Variants in E2F7 observed in about 807,000 individuals in gnomAD.
E2F7 encodes the protein E2F transcription factor 7.
A neutral mutation model predicts 81.1 loss-of-function variants in E2F7; 35 were observed. That is an observed-to-expected ratio of 0.43 (90% confidence interval 0.33 to 0.57). The LOEUF (loss-of-function observed/expected upper bound fraction) is 0.57. Among genes scored for constraint, E2F7 ranks in the 20% least tolerant of loss-of-function variants. The pLI is 0.04. For missense variants in E2F7, 961 were observed against 1,093.7 expected (o/e 0.88, Z 1.71); for synonymous variants, 416 against 416.2 (o/e 1.00, Z 0.01).
chr12:77,051,233 C>A (rs1316904835), intron 3 of E2F7, among the ~76,000 whole-genome samples: 1 of 152,192 alleles, frequency 6.6e-6, no homozygotes, highest in African/African-American at 2.4e-5. Flanking sequence ...TGAATGAAGG[C>A]AGTCCAATCA....
Position 77,046,117 on chromosome 12 carries a change from A to C in E2F7, c.750T>G (p.Phe250Leu). ...GATCACCATCTTTTTTACGTTCTCC[A>C]AATTTATAATCTATCAGGTCCAGCT... ...QKELDLIDYK[F>L]GERKKDGDPD... The change falls in exon 5 of 13, where the codon TTT becomes TTG. Residue 250 changes from phenylalanine to leucine, a missense_variant. Around this residue, in one of 3 missense-constraint regions of E2F7, gnomAD observed 301 missense variants for 405.0 expected, o/e 0.74. Transcript: ENST00000322886. 1 of 1,614,174 alleles carries C rather than the reference A, an allele frequency of 6.2e-7. No homozygotes were observed. Among genetic ancestry groups the C allele is most frequent in the Non-Finnish European group, 8.5e-7 (1 of 1,180,036 alleles).
At chr12:77,040,116 C>T (rs1954883132) in intron 7 of E2F7, among the ~76,000 whole-genome samples, 1 of 152,170 alleles carries the variant, frequency 6.6e-6, no homozygotes, top group African/African-American at 2.4e-5. Context: ...CCTCTGGTTA[C>T]AATATTTTCA....
At chr12:77,056,440 TGA>T (rs1955033439) in intron 2 of E2F7, among the ~76,000 whole-genome samples, 1 of 152,206 alleles carries the variant, frequency 6.6e-6, no homozygotes, top group Non-Finnish European at 1.5e-5. Flanking sequence ...CAATGTGGGT[TGA>T]GTCCATATTG....
intron 3 of E2F7, among the ~76,000 whole-genome samples, chr12:77,053,445 T>C (rs770125149): frequency 6.6e-6 from 1 of 152,182 alleles, no homozygotes; most frequent in East Asian, 1.9e-4. Context: ...AAGACTCCAG[T>C]GTACACTTGG....
intron 7 of E2F7, among the ~76,000 whole-genome samples, chr12:77,041,001 A>T (rs763248609): frequency 3.3e-5 from 5 of 152,224 alleles, no homozygotes; most frequent in Non-Finnish European, 7.3e-5. Flanking sequence ...ACTTGATGTT[A>T]TCAGTAATGA....
intron 9 of E2F7, among the ~76,000 whole-genome samples, chr12:77,031,125 G>T (rs1309765658): frequency 6.6e-6 from 1 of 152,124 alleles, no homozygotes; most frequent in African/African-American, 2.4e-5. Flanking sequence ...CCTGTGGGGG[G>T]CCTAGGAGGA....
At position 77,033,926 on chromosome 12, in the gene E2F7, C is replaced by A. The variant is rs1167525511; in HGVS notation, c.1240G>T (p.Val414Phe). ...KLARHGSFNT[V>F]QASERIQRKV... ...CTCTGGATCCTCTCAGAAGCCTGAA[C>A]TGTGTTAAAAGAACCATGGCGAGCC... is the stretch of plus-strand genomic sequence containing the variant. The change falls in exon 8 of 13, where the codon GTT (valine) becomes TTT (phenylalanine). Residue 414 changes from valine (V) to phenylalanine (F), a missense_variant. Transcript: ENST00000322886. 1.2e-6 allele frequency: 2 copies of A among 1,614,070 alleles called. No individual in the cohort carries two copies. Among genetic ancestry groups the A allele is most frequent in the Non-Finnish European group, 1.7e-6 (2 of 1,180,016 alleles).
intron 9 of E2F7, among the ~76,000 whole-genome samples, chr12:77,030,817 G>C (rs1292205548): frequency 6.6e-6 from 1 of 152,108 alleles, no homozygotes; most frequent in Non-Finnish European, 1.5e-5. Flanking sequence ...TGGGCCCCAT[G>C]CCCACATCTG....
chr12:77,026,556 C>G (rs1035082117), intron 11 of E2F7, among the ~76,000 whole-genome samples: 1 of 152,164 alleles, frequency 6.6e-6, no homozygotes, highest in African/African-American at 2.4e-5. Context: ...CCTACCTCAG[C>G]CTCCCAAAGT....
rs1954713834 is a variant in E2F7 at position 77,021,830 on chromosome 12, T to C, written c.*2185A>G. 2 of 152,222 alleles carry C rather than the reference T, an allele frequency of 1.3e-5. No homozygotes were observed. The highest frequency in any genetic ancestry group is 2.9e-5 in the Non-Finnish European group (2 of 68,032). The allele number at this position is 152,222 out of a possible 1,614,324, so 9.4% of individuals were successfully genotyped here. A position where few individuals can be genotyped will look rare whatever the true frequency, so the allele number is the denominator to read the frequency against. ...CCACCAGTTGTTCTGTAAGATTTAT[T>C]TTCCTGACAGAAACAACCACTGCAT... On this transcript the variant is annotated 3_prime_UTR_variant, in exon 13 of 13. Transcript: ENST00000322886.
At chr12:77,050,065 TTTAG>T (rs1954974246) in intron 4 of E2F7, among the ~76,000 whole-genome samples, 1 of 152,088 alleles carries the variant, frequency 6.6e-6, no homozygotes, top group Non-Finnish European at 1.5e-5. Context: ...TGTTATAAGG[TTTAG>T]TTGTTTGAGT....
At chr12:77,050,822 G>C in intron 3 of E2F7, 78 bp from the exon 4 acceptor site, 1 of 1,446,070 alleles carries the variant, frequency 6.9e-7, no homozygotes, top group Non-Finnish European at 9.5e-7. Flanking sequence ...GGCCAGTGTT[G>C]GCAAACTGGG....
intron 3 of E2F7, among the ~76,000 whole-genome samples, chr12:77,051,199 C>T (rs967504326): frequency 6.6e-6 from 1 of 152,132 alleles, no homozygotes; most frequent in East Asian, 1.9e-4. Flanking sequence ...TTATATTTTA[C>T]AATCGACCAA....
chr12:77,027,273 A>G (rs1294515384), intron 11 of E2F7, among the ~76,000 whole-genome samples: 3 of 152,196 alleles, frequency 2.0e-5, no homozygotes, highest in African/African-American at 7.2e-5. Flanking sequence ...TTTCGGCTTT[A>G]ATACAAAATA....
chr12:77,030,449 G>A (rs1327501996), intron 9 of E2F7, 117 bp from the exon 10 acceptor site: 9 of 1,301,306 alleles, frequency 6.9e-6, no homozygotes, highest in Admixed American at 5.0e-5. Flanking sequence ...AGGCAGATAC[G>A]AAAGCGCACT....
chr12:77,025,556 A>G lies in E2F7; in HGVS notation c.2565+2T>C. On this transcript the variant is annotated splice_donor_variant, in intron 12 of 12. Coordinates refer to ENST00000322886, the MANE Select transcript of E2F7 (RefSeq NM_203394.3). LOFTEE classifies it high-confidence loss of function. Reference sequence around the variant, plus strand: ...GTGTCTTCAGGAAACTTCAGGCCTCACCTGATGTAATTTTACTACTGAGAC... The same window carrying G: ...GTGTCTTCAGGAAACTTCAGGCCTCGCCTGATGTAATTTTACTACTGAGAC... 6.2e-7 allele frequency: 1 copy of G among 1,613,848 alleles called. No homozygotes were observed. Among genetic ancestry groups the G allele is most frequent in the Non-Finnish European group, 8.5e-7 (1 of 1,179,792 alleles).
chr12:77,050,183 T>C (rs1451833165), intron 4 of E2F7, among the ~76,000 whole-genome samples: 1 of 152,196 alleles, frequency 6.6e-6, no homozygotes, highest in Non-Finnish European at 1.5e-5. Flanking sequence ...TTTACAAAGT[T>C]GAAATAACAC....
At chr12:77,043,017 T>C in intron 7 of E2F7, 48 bp downstream of exon 7, 2 of 1,613,034 alleles carry the variant, frequency 1.2e-6, no homozygotes, top group South Asian at 1.1e-5. Flanking sequence ...GAAAAGGAAC[T>C]GAGAATTCTA....
At chr12:77,047,000 C>A (rs1954948789) in intron 4 of E2F7, among the ~76,000 whole-genome samples, 1 of 152,190 alleles carries the variant, frequency 6.6e-6, no homozygotes, top group Non-Finnish European at 1.5e-5. Context: ...TTTTGTTCAT[C>A]ATGGCTATAG....
Sources: gnomAD v4.1 joint callset for allele counts (sites outside exome capture counted in the v4.1 genomes callset) on GRCh38, gnomAD v4.1.1 for gene constraint, gnomAD v4.1.1 regional missense constraint, MANE v1.5 for transcripts, NCBI Gene and HGNC (gene_info 2026-07-23, HGNC 2026-07-21) for gene names.